The following AP4M1 variants were observed in gnomAD, a reference collection of about 807,000 sequenced individuals.
The protein encoded by AP4M1 is AP-4 complex subunit mu-1.
Under a neutral mutation model 62.4 loss-of-function variants are expected in AP4M1, and 58 were observed. That is an observed-to-expected ratio of 0.93 (90% CI 0.75 to 1.16). The LOEUF (loss-of-function observed/expected upper bound fraction) is 1.16. AP4M1 is among the 50% of genes most tolerant of loss of function. The pLI is 0.00. For synonymous variants in AP4M1, 290 were observed against 239.7 expected, an observed-to-expected ratio of 1.21 and a Z score of -1.94; for missense variants, 626 against 585.4, an observed-to-expected ratio of 1.07 and a Z score of -0.72.
rs762774224 is a variant in AP4M1, at chr7:100,101,943, C to T, written c.122C>T (p.Pro41Leu). ...TTCTACCGGAAGCTGACGGGACTGC[C>T]AGGAGACGAGTCCCCGGTTGTCATG... is the stretch of plus-strand genomic sequence containing the variant. ...ELFYRKLTGL[P>L]GDESPVVMHH... Residue 41 changes from proline to leucine, a missense_variant, in exon 2 of 15, where the codon CCA becomes CTA. Coordinates refer to ENST00000359593, the MANE Select transcript of AP4M1 (RefSeq NM_004722.4). 6.2e-7 allele frequency: 1 copy of T among 1,613,246 alleles called. No homozygotes were observed. The highest frequency in any genetic ancestry group is 8.5e-7 in the Non-Finnish European group (1 of 1,179,978).
chr7:100,102,418 A>G (rs1796125572), intron 2 of AP4M1: 3 of 437,816 alleles, frequency 6.9e-6, no homozygotes, highest in South Asian at 2.2e-5. Context: ...GGAAAAAAAA[A>G]AAAAGAGTCA....
In AP4M1 at chr7:100,101,963, G is replaced by T; in HGVS notation, c.142G>T (p.Val48Phe). ...ACTGCCAGGAGACGAGTCCCCGGTT[G>T]TCATGGTAACCAGTGGCGGGAGGCG... ...TGLPGDESPVVMHHHGRHFIH... is the reference protein window; with the variant it reads ...TGLPGDESPVFMHHHGRHFIH... Residue 48 changes from valine to phenylalanine, a missense_variant, in exon 2 of 15, where the codon GTC (valine) becomes TTC (phenylalanine). By Grantham distance (50) the Val-to-Phe change is conservative (BLOSUM62 -1). Transcript: ENST00000359593. 1 of 1,613,248 alleles carries T rather than the reference G, an allele frequency of 6.2e-7. No homozygotes were observed. The highest frequency in any genetic ancestry group is 8.5e-7 in the Non-Finnish European group (1 of 1,179,896).
chr7:100,104,566 C>A (rs1421691388), intron 7 of AP4M1, among the ~76,000 whole-genome samples: 1 of 152,056 alleles, frequency 6.6e-6, no homozygotes. Context: ...CACAGTGGCT[C>A]ATGCCTGTAA....
At position 100,107,787 on chromosome 7, in the gene AP4M1, C is replaced by G; in HGVS notation, c.*905C>G. The G allele has an allele frequency of 7.2e-7, 1 of 1,384,582 alleles. No homozygotes were observed. Among genetic ancestry groups the G allele is most frequent in the South Asian group, 1.5e-5 (1 of 68,786 alleles). 85.8% of individuals were successfully genotyped at this position (1,384,582 alleles called of 1,614,324 possible). A position where few individuals can be genotyped will look rare whatever the true frequency, so the allele number is the denominator to read the frequency against. On this transcript the variant is annotated 3_prime_UTR_variant, in exon 15 of 15. Coordinates refer to ENST00000359593, the MANE Select transcript of AP4M1 (RefSeq NM_004722.4). Reference sequence around the variant, plus strand: ...TTGTTCATGCAGGGCAGCTACAGCCCTGCAGGACCCTGGTGGGCGCCTCTT... The same window carrying G: ...TTGTTCATGCAGGGCAGCTACAGCCGTGCAGGACCCTGGTGGGCGCCTCTT...
chr7:100,106,762 C>T lies in AP4M1; in HGVS notation c.1242C>T (p.His414=), dbSNP rs768310232. Residue 414 remains histidine (H), a synonymous_variant, in exon 15 of 15, where the codon CAC becomes CAT. Coordinates refer to ENST00000359593, the MANE Select transcript of AP4M1 (RefSeq NM_004722.4). Reference sequence around the variant, plus strand: ...GTCTCTCCTTCGAGCTTCCCCGGCACACGTGCTCTGGCCTCCAGGTCCGAT... The same window carrying T: ...GTCTCTCCTTCGAGCTTCCCCGGCATACGTGCTCTGGCCTCCAGGTCCGAT... ...PASLSFELPR[H]TCSGLQVRFL... 2 of 1,614,110 alleles carry T rather than the reference C, an allele frequency of 1.2e-6. No homozygotes were observed. The highest frequency in any genetic ancestry group is 2.2e-5 in the East Asian group (1 of 44,888).
rs905346618 is a variant in AP4M1, at chr7:100,103,595, C to T, written c.463-17C>T. 6.2e-6 allele frequency: 10 copies of T among 1,613,960 alleles called. No individual in the cohort carries two copies. In the African/African-American group the frequency reaches 8.0e-5, roughly 13 times the overall value. On this transcript the variant is annotated splice_polypyrimidine_tract_variant and intron_variant, in intron 5 of 14. Coordinates refer to ENST00000359593, the MANE Select transcript of AP4M1 (RefSeq NM_004722.4). ...GGTTGTCAGACCTGATGATTGATTG[C>T]TTTGGATGCTTTACAGTTTGGGGCT...
At position 100,108,160 on chromosome 7, in the gene AP4M1, C is replaced by G; in HGVS notation, c.*1278C>G. ...AGAGGAAAGGGGGAAGTGGCACCATCTACTAAGAAGAGGAGTCTGAAGGGA... is the reference window on the plus strand; with the variant it reads ...AGAGGAAAGGGGGAAGTGGCACCATGTACTAAGAAGAGGAGTCTGAAGGGA... On this transcript the variant is annotated 3_prime_UTR_variant, in exon 15 of 15. Transcript: ENST00000359593. 1 of 1,560,772 alleles carries G rather than the reference C, an allele frequency of 6.4e-7. No homozygotes were observed. The highest frequency in any genetic ancestry group is 8.6e-7 in the Non-Finnish European group (1 of 1,157,160).
rs578243530 is a variant in AP4M1, at chr7:100,107,465, C to T, written c.*583C>T. 28 of 1,613,794 alleles carry T rather than the reference C, an allele frequency of 1.7e-5. No homozygotes were observed. The highest frequency in any genetic ancestry group is 1.7e-5 in the Admixed American group (1 of 59,968). On this transcript the variant is annotated 3_prime_UTR_variant, in exon 15 of 15. Transcript: ENST00000359593. ...TTGGGGGAAGTGAGACCACGATGTA[C>T]TTCTGGACACTCCCAGGACCAGAGG...
rs756132243 is a variant in AP4M1, at chr7:100,106,018, G to A, written c.974+15G>A. On this transcript the variant is annotated intron_variant, in intron 12 of 14. Transcript: ENST00000359593. ...CTCTCAAAGAGGTAAGAGTGAGGCTGGCCTGGCTGAGTTCAGCTCTATGGG... is the reference window on the plus strand; with the variant it reads ...CTCTCAAAGAGGTAAGAGTGAGGCTAGCCTGGCTGAGTTCAGCTCTATGGG... 6.2e-7 allele frequency: 1 copy of A among 1,614,076 alleles called. No individual in the cohort carries two copies.
In AP4M1 at chr7:100,101,966, A is replaced by G; in HGVS notation, c.145A>G (p.Met49Val). The G allele has an allele frequency of 1.2e-6, 2 of 1,613,104 alleles. No individual in the cohort carries two copies. The highest frequency in any genetic ancestry group is 2.2e-5 in the East Asian group (1 of 44,852). The change falls in exon 2 of 15, where the codon ATG becomes GTG. Residue 49 changes from methionine (M) to valine (V), a missense_variant and splice_region_variant. Transcript: ENST00000359593. ...GLPGDESPVV[M>V]HHHGRHFIHI... ...GCCAGGAGACGAGTCCCCGGTTGTCATGGTAACCAGTGGCGGGAGGCGGGT... is the reference window on the plus strand; with the variant it reads ...GCCAGGAGACGAGTCCCCGGTTGTCGTGGTAACCAGTGGCGGGAGGCGGGT...
chr7:100,103,255 G>C (rs748382493), intron 4 of AP4M1, 154 bp from the exon 5 acceptor site: 63 of 734,380 alleles, frequency 8.6e-5, no homozygotes, highest in Admixed American at 1.4e-4. Flanking sequence ...TGTTGCCCAG[G>C]CTGGTCTTGA....
rs751442561 is a variant in AP4M1, at chr7:100,106,748, G to C, written c.1228G>C (p.Glu410Gln). 6.2e-7 allele frequency: 1 copy of C among 1,613,978 alleles called. No individual in the cohort carries two copies. The highest frequency in any genetic ancestry group is 8.5e-7 in the Non-Finnish European group (1 of 1,180,026). The change falls in exon 15 of 15, where the codon GAG (glutamate) becomes CAG (glutamine). Residue 410 changes from glutamate (E) to glutamine (Q), a missense_variant. By Grantham distance (29) the Glu-to-Gln change is conservative. Coordinates refer to ENST00000359593, the MANE Select transcript of AP4M1 (RefSeq NM_004722.4). ...GCTGGGCCCTGCCAGTCTCTCCTTC[G>C]AGCTTCCCCGGCACACGTGCTCTGG... ...LGLGPASLSF[E>Q]LPRHTCSGLQ... is the part of the protein sequence containing the mutation.
chr7:100,102,476 C>T, intron 2 of AP4M1, 199 bp from the exon 3 acceptor site: 3 of 636,360 alleles, frequency 4.7e-6, no homozygotes, highest in Non-Finnish European at 8.5e-6. Flanking sequence ...TGACTCCATC[C>T]TCAGCAACTC....
At chr7:100,100,987 G>A (rs964192147), upstream of AP4M1, 10 of 891,298 alleles carry the variant, frequency 1.1e-5, no homozygotes, top group South Asian at 1.9e-5. Context: ...TTTTCCCTGT[G>A]CAGCCCCCAG....
At position 100,108,518 on chromosome 7, in the gene AP4M1, G is replaced by C. The variant is rs1403302103; in HGVS notation, c.*1636G>C. ...ATTGTCAGGCGGTGGGCGCAGCTTTGCCAGAACAGGAGCACAGTGTTTCTG... is the reference window on the plus strand; with the variant it reads ...ATTGTCAGGCGGTGGGCGCAGCTTTCCCAGAACAGGAGCACAGTGTTTCTG... On this transcript the variant is annotated 3_prime_UTR_variant, in exon 15 of 15. Transcript: ENST00000359593. 1 of 1,611,564 alleles carries C rather than the reference G, an allele frequency of 6.2e-7. No homozygotes were observed. The highest frequency in any genetic ancestry group is 2.2e-5 in the East Asian group (1 of 44,792).
upstream of AP4M1, chr7:100,101,345 C>G: frequency 6.2e-7 from 1 of 1,610,840 alleles, no homozygotes; most frequent in East Asian, 2.2e-5. Flanking sequence ...GGTCTTGCTC[C>G]TGGGGAAGCT....
intron 3 of AP4M1, 38 bp from the exon 4 acceptor site, chr7:100,102,824 TGA>T: frequency 1.9e-6 from 3 of 1,613,372 alleles, no homozygotes; most frequent in Non-Finnish European, 2.5e-6. Context: ...AGGAGGGGTC[TGA>T]GAGGAGGAGA....
chr7:100,108,190 C>G lies in AP4M1; in HGVS notation c.*1308C>G. ...AAGAAGAGGAGTCTGAAGGGAGAGG[C>G]CTGGGCTCCCCTCGCTCTTCCTCAG... is the stretch of plus-strand genomic sequence containing the variant. On this transcript the variant is annotated 3_prime_UTR_variant, in exon 15 of 15. Transcript: ENST00000359593. The G allele has an allele frequency of 2.7e-6, 4 of 1,498,950 alleles. No homozygotes were observed. The highest frequency in any genetic ancestry group is 2.4e-5 in the East Asian group (1 of 41,962). The allele number at this position is 1,498,950 out of a possible 1,614,324, so 92.9% of individuals were successfully genotyped here.
intron 5 of AP4M1, 42 bp downstream of exon 5, chr7:100,103,561 G>T: frequency 6.2e-7 from 1 of 1,613,856 alleles, no homozygotes; most frequent in Non-Finnish European, 8.5e-7. Context: ...GAGAAGAGGG[G>T]TTGGCTGGGG....
Sources: gnomAD v4.1 joint callset for allele counts (sites outside exome capture counted in the v4.1 genomes callset) on GRCh38, gnomAD v4.1.1 for gene constraint, MANE v1.5 for transcripts, NCBI Gene and HGNC (gene_info 2026-07-23, HGNC 2026-07-21) for gene names.